Variants in ESPL1 observed in about 807,000 individuals in gnomAD.
ESPL1 encodes the protein separin.
A neutral mutation model predicts 217.2 loss-of-function variants in ESPL1; 50 were observed. That is an observed-to-expected ratio of 0.23 (90% confidence interval 0.18 to 0.29). ESPL1 has a LOEUF of 0.29. Among genes scored for constraint, ESPL1 ranks in the 10% least tolerant of loss-of-function variants. The probability of loss-of-function intolerance (pLI) is 1.00; values close to 1 mark genes in which losing one functional copy is unlikely to be tolerated. For missense variants in ESPL1, 1,834 were observed against 2,603.0 expected, an observed-to-expected ratio of 0.70 and a Z score of 6.43; for synonymous variants, 994 against 1,081.3, an observed-to-expected ratio of 0.92 and a Z score of 1.58.
At chr12:53,270,846 C>A in intron 5 of ESPL1, 48 bp downstream of exon 5, 1 of 1,607,862 alleles carries the variant, frequency 6.2e-7, no homozygotes, top group Non-Finnish European at 8.5e-7. Context: ...GGGTCATCAC[C>A]CATTAGGCAG....
intron 5 of ESPL1, 32 bp from the exon 6 acceptor site, chr12:53,272,689 C>T: frequency 6.2e-7 from 1 of 1,607,610 alleles, no homozygotes; most frequent in Non-Finnish European, 8.5e-7. Context: ...GGAGCCTTTC[C>T]TATGGTCAAT....
At chr12:53,272,678 G>A (rs1452613937) in intron 5 of ESPL1, 43 bp from the exon 6 acceptor site, 1 of 1,600,516 alleles carries the variant, frequency 6.2e-7, no homozygotes, top group African/African-American at 1.3e-5. Context: ...AGAGGGTGGT[G>A]GGAGCCTTTC....
Position 53,289,110 on chromosome 12 carries a change from A to G in ESPL1, c.4729A>G (p.Ile1577Val). Reference protein sequence around the residue: ...VATGLSTLDSICDSLSVAFRG... With the variant: ...VATGLSTLDSVCDSLSVAFRG... The stretch of plus-strand genomic sequence containing the variant: ...TCTAGGTCTTTCTACCCTGGACTCC[A>G]TCTGTGACTCCCTGAGTGTTGCTTT... Residue 1577 changes from isoleucine (I) to valine (V), a missense_variant, in exon 21 of 31, where the codon ATC becomes GTC. Around this residue, in one of 5 missense-constraint regions of ESPL1, gnomAD observed 681 missense variants for 808.0 expected, o/e 0.84. Coordinates refer to ENST00000257934, the MANE Select transcript of ESPL1 (RefSeq NM_012291.5). 1 of 1,614,060 alleles carries G rather than the reference A, an allele frequency of 6.2e-7. No individual in the cohort carries two copies. Among genetic ancestry groups the G allele is most frequent in the African/African-American group, 1.3e-5 (1 of 75,030 alleles).
chr12:53,286,748 C>G lies in ESPL1; in HGVS notation c.4012C>G (p.Leu1338Val). The G allele has an allele frequency of 6.2e-7, 1 of 1,614,146 alleles. No individual in the cohort carries two copies. The highest frequency in any genetic ancestry group is 8.5e-7 in the Non-Finnish European group (1 of 1,180,030). Residue 1338 changes from leucine to valine, a missense_variant, in exon 18 of 31, where the codon CTG (leucine) becomes GTG (valine). By Grantham distance (32) the Leu-to-Val change is conservative. This residue lies in a region of ESPL1 where 681 missense variants were observed against 808.0 expected (regional missense o/e 0.84). Transcript: ENST00000257934. This position sits in a 1 kb window ranked among gnomAD's most constrained non-coding sequence, Gnocchi z 5.3. ...LRLNNTSQKGLEGRGLPCTPK... is the reference protein window; with the variant it reads ...LRLNNTSQKGVEGRGLPCTPK... ...CCTCAATAATACCTCTCAGAAAGGT[C>G]TGGAAGGTAGAGGACTGCCCTGCAC...
rs35874650 is a variant in ESPL1, at chr12:53,286,721, C to T, written c.3985C>T (p.Arg1329Cys). 7.4e-6 allele frequency: 12 copies of T among 1,613,952 alleles called. No homozygotes were observed. Among genetic ancestry groups the T allele is most frequent in the South Asian group, 2.2e-5 (2 of 91,084 alleles). The change falls in exon 18 of 31, where the codon CGC becomes TGC. Residue 1329 changes from arginine to cysteine, a missense_variant. Around this residue, in one of 5 missense-constraint regions of ESPL1, gnomAD observed 681 missense variants for 808.0 expected, o/e 0.84. Transcript: ENST00000257934. The surrounding 1 kb of genome is among the most constrained non-coding windows in gnomAD (Gnocchi z 5.3). ...GRQKLASAPLRLNNTSQKGLE... is the reference protein window; with the variant it reads ...GRQKLASAPLCLNNTSQKGLE... ...CCAAAAGTTAGCCTCTGCTCCCCTG[C>T]GCCTCAATAATACCTCTCAGAAAGG...
chr12:53,285,891 C>G (rs560036076), intron 17 of ESPL1, 33 bp from the exon 18 acceptor site: 3 of 1,505,184 alleles, frequency 2.0e-6, no homozygotes, highest in South Asian at 2.7e-5. Flanking sequence ...CATTTCTCCC[C>G]GTTTTGTAAT....
chr12:53,287,820 G>A, intron 18 of ESPL1, 152 bp from the exon 19 acceptor site: 1 of 705,770 alleles, frequency 1.4e-6, no homozygotes, highest in Non-Finnish European at 2.4e-6. Flanking sequence ...CCCTGATCTA[G>A]AGTGTTGGCT....
chr12:53,271,172 G>GGGT (rs371461220), intron 5 of ESPL1, among the ~76,000 whole-genome samples: 2 of 117,754 alleles, frequency 1.7e-5, no homozygotes, highest in African/African-American at 3.3e-5. Flanking sequence ...ATATTTAAGT[G>GGGT]TTTTTTTTTT....
Position 53,292,263 on chromosome 12 carries a change from G to A in ESPL1, c.5797-15G>A. 2 of 1,586,354 alleles carry A rather than the reference G, an allele frequency of 1.3e-6. No homozygotes were observed. Among genetic ancestry groups the A allele is most frequent in the Non-Finnish European group, 1.7e-6 (2 of 1,154,660 alleles). ...GGTGAGACAAGCATCCTAATCGCCA[G>A]TGTCTCCTCCTCAGTATGGGGCCTC... On this transcript the variant is annotated splice_polypyrimidine_tract_variant and intron_variant, in intron 27 of 30. Transcript: ENST00000257934. The surrounding 1 kb of genome is among the most constrained non-coding windows in gnomAD (Gnocchi z 4.5).
chr12:53,276,944 G>T, intron 8 of ESPL1, 85 bp downstream of exon 8: 1 of 1,565,748 alleles, frequency 6.4e-7, no homozygotes. Flanking sequence ...CCTCTCCACA[G>T]CCCTGAGCTC....
In ESPL1 at chr12:53,269,145, C is replaced by T. The variant is rs763380478; in HGVS notation, c.203C>T (p.Pro68Leu). Reference sequence around the variant, plus strand: ...CAGCTGACTGCTAAGCTAGCTTGCCCTAGGCATCTGGGGAGCCTGCTGGAG... The same window carrying T: ...CAGCTGACTGCTAAGCTAGCTTGCCTTAGGCATCTGGGGAGCCTGCTGGAG... ...NQQLTAKLAC[P>L]RHLGSLLELA... is the part of the protein sequence containing the mutation. Residue 68 changes from proline to leucine, a missense_variant, in exon 3 of 31, where the codon CCT (proline) becomes CTT (leucine). Physicochemically the swap from Pro to Leu is moderately conservative, Grantham distance 98. This residue lies in a region of ESPL1 where 746 missense variants were observed against 1,077.0 expected (regional missense o/e 0.69). Coordinates refer to ENST00000257934, the MANE Select transcript of ESPL1 (RefSeq NM_012291.5). This position sits in a 1 kb window ranked among gnomAD's most constrained non-coding sequence, Gnocchi z 6.7. 6.2e-7 allele frequency: 1 copy of T among 1,614,216 alleles called. No homozygotes were observed. The highest frequency in any genetic ancestry group is 2.2e-5 in the East Asian group (1 of 44,892).
chr12:53,269,614 C>T lies in ESPL1; in HGVS notation c.672C>T (p.Leu224=), dbSNP rs755359434. 3.7e-6 allele frequency: 6 copies of T among 1,614,246 alleles called. No homozygotes were observed. Among genetic ancestry groups the T allele is most frequent in the Admixed American group, 1.7e-5 (1 of 60,030 alleles). ...ATGCTGATTTCCTAGATGACCTGCT[C>T]TCCAGGCACGTGATCAGAGCCTTGG... ...EADADFLDDL[L]SRHVIRALVG... is the part of the protein sequence containing the mutation. The change falls in exon 3 of 31, where the codon CTC becomes CTT. Residue 224 remains leucine, a synonymous_variant. Coordinates refer to ENST00000257934, the MANE Select transcript of ESPL1 (RefSeq NM_012291.5). This position sits in a 1 kb window ranked among gnomAD's most constrained non-coding sequence, Gnocchi z 6.7.
Position 53,283,407 on chromosome 12 carries a change from G to A in ESPL1, c.2946G>A (p.Gln982=). The part of the protein sequence containing the change: ...DYGENLVQKW[Q]VLSEVLSCSE... ...GTGAAAATCTGGTACAAAAATGGCA[G>A]GTTCTTTCAGAGGTGCTGAGCTGCT... The change falls in exon 16 of 31, where the codon CAG becomes CAA. Residue 982 remains glutamine (Q), a synonymous_variant. Transcript: ENST00000257934. 6.2e-7 allele frequency: 1 copy of A among 1,614,160 alleles called. No homozygotes were observed. The highest frequency in any genetic ancestry group is 8.5e-7 in the Non-Finnish European group (1 of 1,180,006).
Position 53,290,462 on chromosome 12 carries a change from G to A in ESPL1, c.5357G>A (p.Arg1786Lys). ...WWTGRLALDH[R>K]MEVLIASLEK... ...ACAGGGCGGCTGGCACTGGACCACA[G>A]GATGGAGGTGTGTGCTTCTGGGGTG... The change falls in exon 24 of 31, where the codon AGG (arginine) becomes AAG (lysine). Residue 1786 changes from arginine (R) to lysine (K), a missense_variant. Arg to Lys is a conservative substitution (Grantham distance 26, BLOSUM62 2). This residue lies in a region of ESPL1 where 295 missense variants were observed against 519.8 expected (regional missense o/e 0.57). Transcript: ENST00000257934. The A allele has an allele frequency of 6.2e-7, 1 of 1,612,496 alleles. No individual in the cohort carries two copies. Among genetic ancestry groups the A allele is most frequent in the South Asian group, 1.1e-5 (1 of 90,586 alleles).
chr12:53,278,009 C>G lies in ESPL1; in HGVS notation c.2364+49C>G, dbSNP rs905518559. On this transcript the variant is annotated intron_variant, in intron 11 of 30. Coordinates refer to ENST00000257934, the MANE Select transcript of ESPL1 (RefSeq NM_012291.5). ...GGACCCATATAAACAAGGACTAGAC[C>G]AGAAACAGCTCCCTCGCCTTCTTTG... 4.4e-6 allele frequency: 7 copies of G among 1,577,644 alleles called. No homozygotes were observed. The African/African-American group carries it at 9.5e-5, about 21-fold the overall frequency.
At position 53,292,414 on chromosome 12, in the gene ESPL1, A is replaced by T. The variant is rs749622610; in HGVS notation, c.5912+21A>T. 1 of 1,563,848 alleles carries T rather than the reference A, an allele frequency of 6.4e-7. No individual in the cohort carries two copies. Among genetic ancestry groups the T allele is most frequent in the South Asian group, 1.1e-5 (1 of 90,088 alleles). On this transcript the variant is annotated intron_variant, in intron 28 of 30. Coordinates refer to ENST00000257934, the MANE Select transcript of ESPL1 (RefSeq NM_012291.5). This position sits in a 1 kb window ranked among gnomAD's most constrained non-coding sequence, Gnocchi z 4.5. ...AGCAGGTCAGGGGCGCGAAGACAAG[A>T]AGACGTGTGGGGAAGGGTAGACAAC...
At position 53,291,732 on chromosome 12, in the gene ESPL1, C is replaced by A; in HGVS notation, c.5563C>A (p.Gln1855Lys). 6.2e-7 allele frequency: 1 copy of A among 1,614,054 alleles called. No homozygotes were observed. Among genetic ancestry groups the A allele is most frequent in the Non-Finnish European group, 8.5e-7 (1 of 1,179,946 alleles). Residue 1855 changes from glutamine (Q) to lysine (K), a missense_variant, in exon 26 of 31, where the codon CAG becomes AAG. Gln to Lys is a moderately conservative substitution (Grantham distance 53, BLOSUM62 1). Around this residue, in one of 5 missense-constraint regions of ESPL1, gnomAD observed 295 missense variants for 519.8 expected, o/e 0.57. Transcript: ENST00000257934. ...CGGTGCCCTCACCCCTCAGGACATT[C>A]AGGCCCTGGCCTACGGGCTGTGCCC... ...GAGALTPQDI[Q>K]ALAYGLCPTQ...
chr12:53,287,822 G>C, intron 18 of ESPL1, 150 bp from the exon 19 acceptor site: 1 of 719,886 alleles, frequency 1.4e-6, no homozygotes, highest in Admixed American at 2.6e-5. Flanking sequence ...CTGATCTAGA[G>C]TGTTGGCTGT....
chr12:53,293,063 G>A lies in ESPL1; in HGVS notation c.6161+93G>A, dbSNP rs1487423789. 3.9e-6 allele frequency: 5 copies of A among 1,295,106 alleles called. No individual in the cohort carries two copies. Among genetic ancestry groups the A allele is most frequent in the East Asian group, 4.8e-5 (2 of 41,870 alleles). The allele number at this position is 1,295,106 out of a possible 1,614,324, so 80.2% of individuals were successfully genotyped here. The stretch of plus-strand genomic sequence containing the variant: ...CAGGTCTGAATCTTGCCTCTCTTGT[G>A]CCCCATTTTCCTCCTATCCTAGTTA... On this transcript the variant is annotated intron_variant, in intron 30 of 30. Coordinates refer to ENST00000257934, the MANE Select transcript of ESPL1 (RefSeq NM_012291.5). The surrounding 1 kb of genome is among the most constrained non-coding windows in gnomAD (Gnocchi z 4.2).
Sources: allele counts gnomAD v4.1 joint callset (sites outside exome capture counted in the v4.1 genomes callset), GRCh38; gene constraint gnomAD v4.1.1; regional missense constraint gnomAD v4.1.1; non-coding constraint Gnocchi (gnomAD v3.1); transcripts MANE v1.5; gene names NCBI Gene and HGNC (gene_info 2026-07-23, HGNC 2026-07-21).